The following FGD6 variants were observed in gnomAD, a reference collection of about 807,000 sequenced individuals.
The protein encoded by FGD6 is FYVE, RhoGEF and PH domain containing 6, also known as FYVE, RhoGEF and PH domain-containing protein 6.
A neutral mutation model predicts 149.4 loss-of-function variants in FGD6; 90 were observed. The ratio of observed to expected loss-of-function variants is 0.60; its 90% CI spans 0.51 to 0.72. The LOEUF (loss-of-function observed/expected upper bound fraction) is 0.72. Among genes scored for constraint, FGD6 ranks in the 30% least tolerant of loss-of-function variants. The pLI is 0.00. For synonymous variants in FGD6, 527 were observed against 584.0 expected, an observed-to-expected ratio of 0.90 and a Z score of 1.41; for missense variants, 1,437 against 1,684.8, an observed-to-expected ratio of 0.85 and a Z score of 2.57.
At chr12:95,157,544 C>T (rs547126358) in intron 3 of FGD6, among the ~76,000 whole-genome samples, 8 of 120,532 alleles carry the variant, frequency 6.6e-5, no homozygotes, top group African/African-American at 2.4e-4. Flanking sequence ...CCAGCCTAGG[C>T]GACAAGAGCA....
At chr12:95,139,883 C>T (rs1419274522) in intron 6 of FGD6, among the ~76,000 whole-genome samples, 5 of 152,214 alleles carry the variant, frequency 3.3e-5, no homozygotes, top group South Asian at 2.1e-4. Context: ...GTGACCCACC[C>T]GCCGCAGCCT....
In FGD6 at chr12:95,089,645, G is replaced by C. The variant is rs1398464502; in HGVS notation, c.3902C>G (p.Ser1301Ter). The C allele has an allele frequency of 6.2e-7, 1 of 1,614,010 alleles. No individual in the cohort carries two copies. Among genetic ancestry groups the C allele is most frequent in the Non-Finnish European group, 8.5e-7 (1 of 1,179,894 alleles). The change falls in exon 18 of 21, where the codon TCA becomes TGA. Residue 1301 changes from serine to a stop codon, truncating the protein, a stop_gained. Transcript: ENST00000343958. LOFTEE classifies it high-confidence loss of function. ...ATGTAAGACTGATGATAAGGCACTT[G>C]AAGGAGATTTGTGATTTCCAGGAGA... ...IGSPGNHKSP[S>*]SALSSVLHSI...
chr12:95,095,944 G>A (rs1370907117), intron 14 of FGD6, among the ~76,000 whole-genome samples: 1 of 151,702 alleles, frequency 6.6e-6, no homozygotes, highest in African/African-American at 2.4e-5. Flanking sequence ...AACCAAGGAG[G>A]TGGAGGTTGT....
At chr12:95,122,727 C>T (rs1450279743) in intron 8 of FGD6, among the ~76,000 whole-genome samples, 1 of 150,696 alleles carries the variant, frequency 6.6e-6, no homozygotes, top group Non-Finnish European at 1.5e-5. Context: ...AATTCTAGTC[C>T]TTGAATCTGT....
intron 3 of FGD6, among the ~76,000 whole-genome samples, chr12:95,162,862 A>G (rs1880687439): frequency 6.6e-6 from 1 of 152,138 alleles, no homozygotes; most frequent in Admixed American, 6.5e-5. Flanking sequence ...GTCAAGTCCT[A>G]TCAATGTGTC....
At chr12:95,081,872 A>G (rs1437943750) in intron 20 of FGD6, among the ~76,000 whole-genome samples, 1 of 151,906 alleles carries the variant, frequency 6.6e-6, no homozygotes, top group Non-Finnish European at 1.5e-5. Flanking sequence ...GGGTTTTTCC[A>G]TGTTGGTCAG....
At chr12:95,203,781 C>T (rs1282561980) in intron 2 of FGD6, among the ~76,000 whole-genome samples, 1 of 152,166 alleles carries the variant, frequency 6.6e-6, no homozygotes, top group Non-Finnish European at 1.5e-5. Flanking sequence ...TGAAACAACA[C>T]AGGAAAAACT....
intron 3 of FGD6, among the ~76,000 whole-genome samples, chr12:95,166,854 C>CTTT (rs60585670): frequency 9.3e-6 from 1 of 107,776 alleles, no homozygotes; most frequent in African/African-American, 3.5e-5. Flanking sequence ...GTTCTTTCTA[C>CTTT]TTTTTTTTTT....
At chr12:95,120,028 A>T (rs566312402) in intron 8 of FGD6, among the ~76,000 whole-genome samples, 1 of 151,938 alleles carries the variant, frequency 6.6e-6, no homozygotes, top group Non-Finnish European at 1.5e-5. Context: ...CAGGAGTTCG[A>T]GACCTCCCTG....
intron 7 of FGD6, 82 bp from the exon 8 acceptor site, chr12:95,134,908 T>C (rs1231201314): frequency 9.3e-7 from 1 of 1,080,400 alleles, no homozygotes; most frequent in Non-Finnish European, 1.3e-6. Flanking sequence ...GAAGCCAAAC[T>C]TTAAACATCA....
intron 1 of FGD6, 111 bp from the exon 2 acceptor site, chr12:95,211,378 T>C (rs2056726371): frequency 9.3e-6 from 12 of 1,288,024 alleles, no homozygotes; most frequent in Non-Finnish European, 1.2e-5. Context: ...TGCCTTTTAC[T>C]GAGTATGTTA....
rs1330285968 is a variant in FGD6 at position 95,078,869 on chromosome 12, C to G, written c.*2651G>C. On this transcript the variant is annotated 3_prime_UTR_variant, in exon 21 of 21. Transcript: ENST00000343958. ...ATTTTTAGCTTAGCTTTATAAATGC[C>G]CTACTCTTTCCTCCTTATGAATTAA... 4.6e-5 allele frequency: 7 copies of G among 152,078 alleles called. No individual in the cohort carries two copies. The highest frequency in any genetic ancestry group is 1.7e-4 in the African/African-American group (7 of 41,418). The allele number at this position is 152,078 out of a possible 1,614,324, so 9.4% of individuals were successfully genotyped here. A position where few individuals can be genotyped will look rare whatever the true frequency, so the allele number is the denominator to read the frequency against.
intron 5 of FGD6, among the ~76,000 whole-genome samples, chr12:95,152,162 C>T (rs1234609510): frequency 6.6e-6 from 1 of 151,912 alleles, no homozygotes; most frequent in Non-Finnish European, 1.5e-5. Context: ...CCCATCTCTA[C>T]AAAAAATACA....
chr12:95,099,701 A>C (rs938763693), intron 14 of FGD6, among the ~76,000 whole-genome samples: 1 of 152,084 alleles, frequency 6.6e-6, no homozygotes, highest in Non-Finnish European at 1.5e-5. Flanking sequence ...TGGCTGCCCA[A>C]CTTCTACTGT....
chr12:95,120,319 AATTTATTT>A (rs578241788), intron 8 of FGD6, among the ~76,000 whole-genome samples: 2,021 of 151,858 alleles, frequency 0.013, 31 homozygotes, highest in South Asian at 0.047. Context: ...CAGGGAGAAT[AATTTATTT>A]ATTTATTTAT....
chr12:95,173,657 G>A (rs936488537), intron 2 of FGD6, among the ~76,000 whole-genome samples: 1 of 152,120 alleles, frequency 6.6e-6, no homozygotes, highest in African/African-American at 2.4e-5. Context: ...AAAGATTCAG[G>A]AGCCAATTGC....
intron 8 of FGD6, among the ~76,000 whole-genome samples, chr12:95,117,728 A>C (rs1420348743): frequency 6.6e-6 from 1 of 151,358 alleles, no homozygotes; most frequent in Non-Finnish European, 1.5e-5. Flanking sequence ...TGCCAGTACA[A>C]GTTAATTTTG....
intron 6 of FGD6, among the ~76,000 whole-genome samples, chr12:95,141,163 C>A (rs1388381742): frequency 6.6e-6 from 1 of 152,194 alleles, no homozygotes; most frequent in African/African-American, 2.4e-5. Flanking sequence ...GCAGAGGTTG[C>A]AGTGAGCCGA....
chr12:95,134,895 C>G (rs147432873), intron 7 of FGD6, 69 bp from the exon 8 acceptor site: 9 of 1,296,228 alleles, frequency 6.9e-6, no homozygotes, highest in Non-Finnish European at 9.6e-6. Context: ...TTCAAGTGCT[C>G]AGGAAGCCAA....
Sources: allele counts gnomAD v4.1 joint callset (sites outside exome capture counted in the v4.1 genomes callset), GRCh38; gene constraint gnomAD v4.1.1; transcripts MANE v1.5; gene names NCBI Gene and HGNC (gene_info 2026-07-23, HGNC 2026-07-21).